Variants in GAB1 observed in about 807,000 individuals in gnomAD.
The protein encoded by GAB1 is GRB2-associated-binding protein 1.
A neutral mutation model predicts 66.5 loss-of-function variants in GAB1; 19 were observed. That is an observed-to-expected ratio of 0.29 (90% CI 0.20 to 0.42). The LOEUF (loss-of-function observed/expected upper bound fraction) is 0.42, where lower values mean the gene tolerates loss of function less well. Among genes scored for constraint, GAB1 ranks in the 10% least tolerant of loss-of-function variants. The pLI, the probability that GAB1 is intolerant of heterozygous loss-of-function variation, is 1.00. For missense variants in GAB1, 732 were observed against 858.5 expected (o/e 0.85, Z 1.84); for synonymous variants, 294 against 301.4 (o/e 0.98, Z 0.25).
intron 1 of GAB1, among the ~76,000 whole-genome samples, chr4:143,373,815 G>A (rs1227828649): frequency 7.7e-6 from 1 of 129,200 alleles, no homozygotes; most frequent in African/African-American, 3.0e-5. Flanking sequence ...GGTGATGGGA[G>A]TGAAACCCTC....
chr4:143,432,080 C>T (rs1478357646), intron 2 of GAB1, among the ~76,000 whole-genome samples: 2 of 152,148 alleles, frequency 1.3e-5, no homozygotes, highest in Admixed American at 1.3e-4. Context: ...CTGTCATATG[C>T]AAATAGGTTT....
intron 2 of GAB1, among the ~76,000 whole-genome samples, chr4:143,429,061 A>C (rs1418935609): frequency 6.6e-6 from 1 of 152,208 alleles, no homozygotes; most frequent in African/African-American, 2.4e-5. Context: ...CTTTAGTCTT[A>C]TACTTGGCCC....
intron 1 of GAB1, among the ~76,000 whole-genome samples, chr4:143,411,545 T>C (rs972669265): frequency 6.6e-6 from 1 of 152,224 alleles, no homozygotes; most frequent in Non-Finnish European, 1.5e-5. Flanking sequence ...TTTTGTCTGC[T>C]CCTGCTCTGC....
At chr4:143,442,372 T>C (rs1734292346) in intron 6 of GAB1, among the ~76,000 whole-genome samples, 1 of 152,152 alleles carries the variant, frequency 6.6e-6, no homozygotes, top group Non-Finnish European at 1.5e-5. Flanking sequence ...TTTTAAGTCC[T>C]ACCTCCCTTG....
intron 1 of GAB1, among the ~76,000 whole-genome samples, chr4:143,366,661 C>T (rs780248657): frequency 4.0e-4 from 61 of 152,090 alleles, no homozygotes; most frequent in Non-Finnish European, 8.4e-4. Flanking sequence ...ACACTCCTTC[C>T]TTGTTATTGC....
Position 143,373,887 on chromosome 4 carries a change from T to TATATATATGTATATATA in GAB1, c.72+36627_72+36628insATATATATGTATATATA, listed in dbSNP as rs1560726049. Among the ~76,000 whole-genome samples the TATATATATGTATATATA allele has an allele frequency of 2.0e-5, 2 of 98,248 alleles. 1 individual carries two copies. Among genetic ancestry groups the TATATATATGTATATATA allele is most frequent in the Non-Finnish European group, 4.1e-5 (2 of 48,958 alleles). The allele number at this position is 98,248 out of a possible 152,430, so 64.5% of individuals were successfully genotyped here. A position where few individuals can be genotyped will look rare whatever the true frequency, so the allele number is the denominator to read the frequency against. On this transcript the variant is annotated intron_variant, in intron 1 of 9. Coordinates refer to ENST00000262994, the MANE Select transcript of GAB1 (RefSeq NM_002039.4). ...TAAATAAATATATATATATATATAT[T>TATATATATGTATATATA]TTTACCTTTCTAACATTGCAGGGAG...
At chr4:143,429,172 G>A (rs917559469) in intron 2 of GAB1, among the ~76,000 whole-genome samples, 6 of 152,122 alleles carry the variant, frequency 3.9e-5, no homozygotes, top group Admixed American at 2.6e-4. Flanking sequence ...GCACAATCTC[G>A]GCTCACTACA....
intron 1 of GAB1, among the ~76,000 whole-genome samples, chr4:143,364,971 G>A (rs1254435476): frequency 6.9e-6 from 1 of 144,344 alleles, no homozygotes; most frequent in Non-Finnish European, 1.5e-5. Flanking sequence ...TCCGCCTCCC[G>A]GGTTCATGCC....
rs140751228 is a variant in GAB1 at position 143,363,453 on chromosome 4, A to G, written c.72+26193A>G. ...AACATGAGCTGGAGGTGGGTTAGAA[A>G]GAGACAGAGTGGTTTTTATTTGGTA... On this transcript the variant is annotated intron_variant, in intron 1 of 9. Transcript: ENST00000262994. 6.9e-3 allele frequency among the ~76,000 whole-genome samples: 1,049 copies of G among 152,298 alleles called. 16 individuals carry two copies. Among genetic ancestry groups the G allele is most frequent in the African/African-American group, 0.024 (984 of 41,540 alleles).
intron 1 of GAB1, among the ~76,000 whole-genome samples, chr4:143,355,952 T>C (rs749306595): frequency 2.4e-4 from 37 of 152,148 alleles, no homozygotes; most frequent in Non-Finnish European, 3.1e-4. Context: ...GTTGAGATTT[T>C]TTTTGGGAAC....
chr4:143,440,721 C>T (rs1260691459), intron 6 of GAB1, among the ~76,000 whole-genome samples: 1 of 152,162 alleles, frequency 6.6e-6, no homozygotes, highest in African/African-American at 2.4e-5. Flanking sequence ...CTGCTACAAT[C>T]CTTTGTTGAC....
intron 1 of GAB1, among the ~76,000 whole-genome samples, chr4:143,400,972 A>C (rs563970348): frequency 8.1e-4 from 123 of 151,968 alleles, no homozygotes; most frequent in African/African-American, 2.9e-3. Flanking sequence ...CCATCACAAA[A>C]AAAAAAAAAA....
intron 1 of GAB1, chr4:143,349,798 T>A: frequency 1.3e-6 from 2 of 1,588,780 alleles, no homozygotes; most frequent in Non-Finnish European, 1.7e-6. Context: ...CCTCGTGCGC[T>A]GGCCGGCACG....
At position 143,434,296 on chromosome 4, in the gene GAB1, A is replaced by T; in HGVS notation, c.593+580A>T. ...AATTTGATCAAATAAATATATTCCT[A>T]AAAATTACGAAACTTTTAGTCTTCA... On this transcript the variant is annotated intron_variant, in intron 3 of 9. Transcript: ENST00000262994. 2.0e-5 allele frequency: 6 copies of T among 299,850 alleles called. No individual in the cohort carries two copies. The South Asian group carries it at 2.2e-4, about 11-fold the overall frequency. 18.6% of individuals were successfully genotyped at this position (299,850 alleles called of 1,614,324 possible). A position where few individuals can be genotyped will look rare whatever the true frequency, so the allele number is the denominator to read the frequency against.
intron 1 of GAB1, among the ~76,000 whole-genome samples, chr4:143,339,874 G>A (rs1728770737): frequency 6.6e-6 from 1 of 152,168 alleles, no homozygotes; most frequent in Non-Finnish European, 1.5e-5. Flanking sequence ...CTAATAGCTT[G>A]GGAGAAACTA....
rs767509569 is a variant in GAB1 at position 143,440,098 on chromosome 4, C to T, written c.1301C>T (p.Thr434Ile). 4 of 1,613,552 alleles carry T rather than the reference C, an allele frequency of 2.5e-6. No individual in the cohort carries two copies. Among genetic ancestry groups the T allele is most frequent in the Non-Finnish European group, 3.4e-6 (4 of 1,179,644 alleles). Reference sequence around the variant, plus strand: ...TTTTAGAAAGTCAAAAATGTGTTGACAGTGGGAAGTGTTTCAAGTGAAGAA... The same window carrying T: ...TTTTAGAAAGTCAAAAATGTGTTGATAGTGGGAAGTGTTTCAAGTGAAGAA... ...HNHFKVKNVL[T>I]VGSVSSEELD... The change falls in exon 6 of 10, where the codon ACA becomes ATA. Residue 434 changes from threonine (T) to isoleucine (I), a missense_variant. Thr to Ile is a moderately conservative substitution (Grantham distance 89, BLOSUM62 -1). Coordinates refer to ENST00000262994, the MANE Select transcript of GAB1 (RefSeq NM_002039.4).
chr4:143,450,177 G>A (rs935530045), intron 6 of GAB1, among the ~76,000 whole-genome samples: 2 of 152,170 alleles, frequency 1.3e-5, no homozygotes, highest in South Asian at 4.1e-4. Flanking sequence ...TGACTTCAAA[G>A]TATAATTATC....
chr4:143,398,840 G>A (rs558966339), intron 1 of GAB1, among the ~76,000 whole-genome samples: 3 of 152,096 alleles, frequency 2.0e-5, no homozygotes, highest in South Asian at 2.1e-4. Flanking sequence ...CAGGAGGATC[G>A]TTTGAGCTCA....
At chr4:143,402,909 T>C (rs1305078979) in intron 1 of GAB1, among the ~76,000 whole-genome samples, 1 of 152,248 alleles carries the variant, frequency 6.6e-6, no homozygotes, top group Admixed American at 6.5e-5. Context: ...TGGTTATTTT[T>C]AGCTTTTACA....
Sources: gnomAD v4.1 joint callset for allele counts (sites outside exome capture counted in the v4.1 genomes callset) on GRCh38, gnomAD v4.1.1 for gene constraint, MANE v1.5 for transcripts, NCBI Gene and HGNC (gene_info 2026-07-23, HGNC 2026-07-21) for gene names.